The following TRAK2 variants were observed in gnomAD, a reference collection of about 807,000 sequenced individuals.
TRAK2 encodes the protein trafficking kinesin protein 2.
In TRAK2, 81 loss-of-function variants were observed where a neutral mutation model predicts 104.6. The ratio of observed to expected loss-of-function variants is 0.77; its 90% CI spans 0.65 to 0.93. The LOEUF (loss-of-function observed/expected upper bound fraction) is 0.93. TRAK2 is among the 40% of genes least tolerant of loss of function. The pLI, the probability that TRAK2 is intolerant of heterozygous loss-of-function variation, is 0.00. For missense variants in TRAK2, 1,002 were observed against 1,089.0 expected, an observed-to-expected ratio of 0.92 and a Z score of 1.12; for synonymous variants, 406 against 394.4, an observed-to-expected ratio of 1.03 and a Z score of -0.35.
chr2:201,429,301 C>T (rs1294628760), intron 1 of TRAK2, among the ~76,000 whole-genome samples: 1 of 152,186 alleles, frequency 6.6e-6, no homozygotes, highest in African/African-American at 2.4e-5. Context: ...AACATTTTTT[C>T]CTTCATTTCA....
intron 1 of TRAK2, among the ~76,000 whole-genome samples, chr2:201,443,824 T>C (rs1421434985): frequency 6.6e-6 from 1 of 152,198 alleles, no homozygotes; most frequent in Non-Finnish European, 1.5e-5. Context: ...CAAGGCTCCA[T>C]GCTTAATCAT....
chr2:201,410,655 G>A, intron 2 of TRAK2: 1 of 1,301,826 alleles, frequency 7.7e-7, no homozygotes, highest in South Asian at 1.2e-5. Context: ...GCATACCAAA[G>A]GCAGATTGTC....
intron 2 of TRAK2, chr2:201,410,654 A>C: frequency 7.7e-7 from 1 of 1,303,000 alleles, no homozygotes; most frequent in Non-Finnish European, 1.1e-6. Context: ...TGCATACCAA[A>C]GGCAGATTGT....
intron 1 of TRAK2, among the ~76,000 whole-genome samples, chr2:201,442,294 G>A (rs1025010997): frequency 1.1e-4 from 16 of 151,676 alleles, no homozygotes; most frequent in Non-Finnish European, 4.4e-5. Flanking sequence ...GGGAGGCTGC[G>A]GCAGGAGAAT....
intron 1 of TRAK2, among the ~76,000 whole-genome samples, chr2:201,424,834 C>T (rs1951773788): frequency 6.6e-6 from 1 of 151,946 alleles, no homozygotes; most frequent in Admixed American, 6.6e-5. Context: ...GTCTCGATCT[C>T]CTGACCTCGT....
intron 1 of TRAK2, among the ~76,000 whole-genome samples, chr2:201,437,935 A>C (rs1402461305): frequency 1.3e-5 from 2 of 152,216 alleles, no homozygotes; most frequent in African/African-American, 4.8e-5. Context: ...ATGGGGACCC[A>C]AATATGTAGT....
chr2:201,437,638 T>C (rs919395115), intron 1 of TRAK2, among the ~76,000 whole-genome samples: 1 of 152,184 alleles, frequency 6.6e-6, no homozygotes, highest in African/African-American at 2.4e-5. Flanking sequence ...CTGCTTTCTA[T>C]ATAGTCACCA....
intron 1 of TRAK2, among the ~76,000 whole-genome samples, chr2:201,434,009 C>G (rs1951863588): frequency 6.6e-6 from 1 of 151,982 alleles, no homozygotes; most frequent in African/African-American, 2.4e-5. Flanking sequence ...CCAGGCCGGA[C>G]TGCAGTGGCG....
chr2:201,427,057 G>C (rs1299752950), intron 1 of TRAK2, among the ~76,000 whole-genome samples: 1 of 152,122 alleles, frequency 6.6e-6, no homozygotes, highest in Non-Finnish European at 1.5e-5. Flanking sequence ...TCAGACATGA[G>C]AACTAAATAA....
chr2:201,407,196 A>C (rs1365324450), intron 3 of TRAK2, among the ~76,000 whole-genome samples: 1 of 152,222 alleles, frequency 6.6e-6, no homozygotes, highest in African/African-American at 2.4e-5. Flanking sequence ...GTATGTTTGC[A>C]ACACTAGACA....
chr2:201,428,752 C>T (rs1382047176), intron 1 of TRAK2, among the ~76,000 whole-genome samples: 1 of 152,174 alleles, frequency 6.6e-6, no homozygotes, highest in East Asian at 1.9e-4. Context: ...TATAAATTAC[C>T]TTGGGCAGTA....
chr2:201,440,190 C>T (rs1262068677), intron 1 of TRAK2, among the ~76,000 whole-genome samples: 1 of 152,060 alleles, frequency 6.6e-6, no homozygotes, highest in Non-Finnish European at 1.5e-5. Context: ...CTCTTTCTCC[C>T]TATAGTAAAT....
rs141820688 is a variant in TRAK2 at position 201,378,690 on chromosome 2, A to C, written c.*1853T>G. ...TATAAACCTGCTGGAATCCTTTCTGAAACTCTACACTCTATTGACCTCAGC... is the reference window on the plus strand; with the variant it reads ...TATAAACCTGCTGGAATCCTTTCTGCAACTCTACACTCTATTGACCTCAGC... On this transcript the variant is annotated 3_prime_UTR_variant, in exon 16 of 16. Coordinates refer to ENST00000332624, the MANE Select transcript of TRAK2 (RefSeq NM_015049.3). 3 of 152,336 alleles carry C rather than the reference A, an allele frequency of 2.0e-5. No homozygotes were observed. Among genetic ancestry groups the C allele is most frequent in the African/African-American group, 7.2e-5 (3 of 41,578 alleles). 9.4% of individuals were successfully genotyped at this position (152,336 alleles called of 1,614,324 possible). A position where few individuals can be genotyped will look rare whatever the true frequency, so the allele number is the denominator to read the frequency against.
At chr2:201,403,846 A>G (rs559194703) in intron 3 of TRAK2, among the ~76,000 whole-genome samples, 1 of 152,154 alleles carries the variant, frequency 6.6e-6, no homozygotes, top group Non-Finnish European at 1.5e-5. Context: ...TATGGCAAAA[A>G]AGTTAGATAG....
chr2:201,388,987 C>T (rs993741438), intron 12 of TRAK2, among the ~76,000 whole-genome samples: 2 of 152,080 alleles, frequency 1.3e-5, no homozygotes, highest in Admixed American at 6.5e-5. Context: ...AAATCGACAG[C>T]ACCTCGATGG....
chr2:201,407,865 A>G (rs1404501775), intron 2 of TRAK2, among the ~76,000 whole-genome samples: 2 of 152,136 alleles, frequency 1.3e-5, no homozygotes, highest in African/African-American at 4.8e-5. Flanking sequence ...TTTAATTGAC[A>G]CAAAATAATT....
chr2:201,388,712 C>T (rs1358152224), intron 12 of TRAK2, among the ~76,000 whole-genome samples: 2 of 152,118 alleles, frequency 1.3e-5, no homozygotes, highest in African/African-American at 4.8e-5. Context: ...AGATCTTCTC[C>T]TAAGATAATT....
At position 201,410,591 on chromosome 2, in the gene TRAK2, T is replaced by G. The variant is rs1034094228; in HGVS notation, c.92-2994A>C. 2.2e-5 allele frequency: 28 copies of G among 1,250,056 alleles called. No individual in the cohort carries two copies. The African/African-American group carries it at 4.1e-4, about 18-fold the overall frequency. 77.4% of individuals were successfully genotyped at this position (1,250,056 alleles called of 1,614,324 possible). A position where few individuals can be genotyped will look rare whatever the true frequency, so the allele number is the denominator to read the frequency against. On this transcript the variant is annotated intron_variant, in intron 2 of 15. Coordinates refer to ENST00000332624, the MANE Select transcript of TRAK2 (RefSeq NM_015049.3). ...TCATTGCTAGCTGAACTGCTATTGG[T>G]CATAGCAGTTGGTGGCTATGCAAAG...
intron 2 of TRAK2, among the ~76,000 whole-genome samples, chr2:201,417,116 A>T (rs1951698975): frequency 1.4e-5 from 2 of 146,514 alleles, no homozygotes; most frequent in African/African-American, 5.0e-5. Flanking sequence ...TAAAAAGTAA[A>T]AACATGAAAA....
Sources: allele counts gnomAD v4.1 joint callset (sites outside exome capture counted in the v4.1 genomes callset), GRCh38; gene constraint gnomAD v4.1.1; transcripts MANE v1.5; gene names NCBI Gene and HGNC (gene_info 2026-07-23, HGNC 2026-07-21).